MTFR1L: variants seen among roughly 807,000 people sequenced by gnomAD.
MTFR1L encodes mitochondrial fission regulator 1 like, also known as mitochondrial fission regulator 1-like.
In MTFR1L, 10 loss-of-function variants were observed where a neutral mutation model predicts 27.9. That is an observed-to-expected ratio of 0.36 (90% CI 0.22 to 0.61). The LOEUF (loss-of-function observed/expected upper bound fraction) is 0.61, where lower values mean the gene tolerates loss of function less well. Ranked by LOEUF, MTFR1L falls within the 20% of genes least tolerant of loss-of-function variation. The pLI, the probability that MTFR1L is intolerant of heterozygous loss-of-function variation, is 0.73. For missense variants in MTFR1L, 315 were observed against 363.7 expected (o/e 0.87, Z 1.09); for synonymous variants, 151 against 139.4 (o/e 1.08, Z -0.58).
rs761288487 is a variant in MTFR1L at position 25,823,716 on chromosome 1, C to G, written c.97C>G (p.Pro33Ala). Residue 33 changes from proline to alanine, a missense_variant, in exon 3 of 7, where the codon CCC (proline) becomes GCC (alanine). By Grantham distance (27) the Pro-to-Ala change is conservative. Transcript: ENST00000374303. ...SVVRRIGTNL[P>A]LKPCARASFE... ...AGTAAGAAGAATTGGGACCAACCTA[C>G]CCTTGAAGCCGTGTGCCCGGGCGTC... 2 of 1,614,088 alleles carry G rather than the reference C, an allele frequency of 1.2e-6. No individual in the cohort carries two copies. The highest frequency in any genetic ancestry group is 1.7e-6 in the Non-Finnish European group (2 of 1,180,004).
chr1:25,823,308 C>T, intron 2 of MTFR1L, 180 bp downstream of exon 2: 1 of 748,020 alleles, frequency 1.3e-6, no homozygotes, highest in Non-Finnish European at 2.4e-6. Flanking sequence ...GATCCTGGGG[C>T]ACTTCAGGAG....
rs781259558 is a variant in MTFR1L at position 25,832,115 on chromosome 1, G to A, written c.*89G>A. 5.0e-6 allele frequency: 8 copies of A among 1,604,228 alleles called. No individual in the cohort carries two copies. The East Asian group carries it at 1.6e-4, about 31-fold the overall frequency. ...ACCGCAGATGTTTCTGCCTCTTAAG[G>A]ATAGATCTTCTGCAACAGTCTTGCT... On this transcript the variant is annotated 3_prime_UTR_variant, in exon 7 of 7. Coordinates refer to ENST00000374303, the MANE Select transcript of MTFR1L (RefSeq NM_001099625.2).
Position 25,832,241 on chromosome 1 carries a change from T to A in MTFR1L, c.*215T>A. 7.4e-7 allele frequency: 1 copy of A among 1,345,432 alleles called. No individual in the cohort carries two copies. Among genetic ancestry groups the A allele is most frequent in the Non-Finnish European group, 1.0e-6 (1 of 976,840 alleles). The allele number at this position is 1,345,432 out of a possible 1,614,324, so 83.3% of individuals were successfully genotyped here. The stretch of plus-strand genomic sequence containing the variant: ...AGGCTTGTGATTTGACCTGAGACAT[T>A]TGTTTCAGGTAATCGTGTAGAATGA... On this transcript the variant is annotated 3_prime_UTR_variant, in exon 7 of 7. Transcript: ENST00000374303.
Position 25,829,710 on chromosome 1 carries a change from A to T in MTFR1L, c.653A>T (p.His218Leu). The T allele has an allele frequency of 6.2e-7, 1 of 1,614,138 alleles. No individual in the cohort carries two copies. Among genetic ancestry groups the T allele is most frequent in the Middle Eastern group, 1.6e-4 (1 of 6,062 alleles). The change falls in exon 6 of 7, where the codon CAC becomes CTC. Residue 218 changes from histidine (H) to leucine (L), a missense_variant. His to Leu is a moderately conservative substitution (Grantham distance 99). Transcript: ENST00000374303. ...SASPECCKPE[H>L]KAACSSSEED... Reference sequence around the variant, plus strand: ...AGCCCTGAATGTTGCAAACCAGAACACAAAGCTGCCTGCAGTTCGTCTGAA... The same window carrying T: ...AGCCCTGAATGTTGCAAACCAGAACTCAAAGCTGCCTGCAGTTCGTCTGAA...
intron 6 of MTFR1L, among the ~76,000 whole-genome samples, chr1:25,831,577 A>G (rs2048240921): frequency 6.6e-6 from 1 of 152,238 alleles, no homozygotes. Context: ...AGAAGGCAGA[A>G]GCTTAGCCAC....
At chr1:25,820,307 A>G in intron 1 of MTFR1L, 1 of 455,776 alleles carries the variant, frequency 2.2e-6, no homozygotes, top group South Asian at 1.5e-5. Context: ...CCCGCCGCGC[A>G]TTCTGAGACC....
intron 1 of MTFR1L, chr1:25,821,463 G>A (rs2048091413): frequency 6.6e-6 from 1 of 152,486 alleles, no homozygotes; most frequent in Non-Finnish European, 1.5e-5. Context: ...CATGACCACT[G>A]AGTGACCTTA....
At chr1:25,829,292 A>G (rs2048205941) in intron 5 of MTFR1L, among the ~76,000 whole-genome samples, 1 of 152,148 alleles carries the variant, frequency 6.6e-6, no homozygotes, top group South Asian at 2.1e-4. Context: ...TTCCTGGAAC[A>G]CTGGAAAAGC....
At chr1:25,824,503 T>C (rs1201422976) in intron 3 of MTFR1L, among the ~76,000 whole-genome samples, 2 of 152,084 alleles carry the variant, frequency 1.3e-5, no homozygotes, top group South Asian at 2.1e-4. Flanking sequence ...ACAGAGGAGA[T>C]AGAAATATGT....
rs767104316 is a variant in MTFR1L, at chr1:25,829,558, C to T, written c.501C>T (p.Val167=). ...PDFLSPGSSN[V]SSPLPCFGSS... ...TCTTATCTCCAGGAAGTTCAAATGT[C>T]TCTTCTCCCTTACCTTGTTTTGGAT... Residue 167 remains valine, a synonymous_variant, in exon 6 of 7, where the codon GTC becomes GTT. Transcript: ENST00000374303. 1 of 1,614,212 alleles carries T rather than the reference C, an allele frequency of 6.2e-7. No homozygotes were observed. Among genetic ancestry groups the T allele is most frequent in the Non-Finnish European group, 8.5e-7 (1 of 1,180,028 alleles).
intron 1 of MTFR1L, chr1:25,822,008 T>A (rs1480830878): frequency 6.6e-6 from 1 of 152,258 alleles, no homozygotes; most frequent in African/African-American, 2.4e-5. Flanking sequence ...AGCACACTGA[T>A]TGCATCTGCT....
chr1:25,823,787 C>T, intron 3 of MTFR1L, 39 bp downstream of exon 3: 8 of 1,607,194 alleles, frequency 5.0e-6, no homozygotes, highest in Non-Finnish European at 6.8e-6. Flanking sequence ...GAGGCTCAGA[C>T]AGTGCTGCTT....
rs1039757943 is a variant in MTFR1L at position 25,820,012 on chromosome 1, C to T, written c.-104C>T. On this transcript the variant is annotated 5_prime_UTR_variant, in exon 1 of 7. Transcript: ENST00000374303. ...GGAGGGGCCGTGAGGTGAGAGAGTC[C>T]GGGAGCCCGAGCTTGAGGTGAGAAA... 1 of 351,920 alleles carries T rather than the reference C, an allele frequency of 2.8e-6. No homozygotes were observed. 21.8% of individuals were successfully genotyped at this position (351,920 alleles called of 1,614,324 possible).
In MTFR1L at chr1:25,829,648, C is replaced by G. The variant is rs141750159; in HGVS notation, c.591C>G (p.Val197=). The change falls in exon 6 of 7, where the codon GTC becomes GTG. Residue 197 remains valine (V), a synonymous_variant. Coordinates refer to ENST00000374303, the MANE Select transcript of MTFR1L (RefSeq NM_001099625.2). ...SDITEETEVE[V]PELPSVPLLC... is the part of the protein sequence containing the mutation. ...TCACCGAGGAGACAGAGGTGGAGGT[C>G]CCTGAGCTTCCATCAGTCCCCCTGC... 1.2e-6 allele frequency: 2 copies of G among 1,614,184 alleles called. No individual in the cohort carries two copies. Among genetic ancestry groups the G allele is most frequent in the African/African-American group, 2.7e-5 (2 of 75,034 alleles).
rs756415974 is a variant in MTFR1L, at chr1:25,832,002, A to C, written c.855A>C (p.Glu285Asp). 6.2e-7 allele frequency: 1 copy of C among 1,614,220 alleles called. No individual in the cohort carries two copies. The highest frequency in any genetic ancestry group is 1.1e-5 in the South Asian group (1 of 91,080). ...GGAGGAAGTTTGCTCTAAAGGAAGA[A>C]GATATCAGTAGAAAAGGAAATTGAC... ...VLRRKFALKEEDISRKGN is the reference protein window; with the variant it reads ...VLRRKFALKEDDISRKGN Residue 285 changes from glutamate (E) to aspartate (D), a missense_variant, in exon 7 of 7, where the codon GAA becomes GAC. Physicochemically the swap from Glu to Asp is conservative, Grantham distance 45 (BLOSUM62 2). Coordinates refer to ENST00000374303, the MANE Select transcript of MTFR1L (RefSeq NM_001099625.2).
intron 1 of MTFR1L, 142 bp from the exon 2 acceptor site, chr1:25,822,877 G>A (rs555188081): frequency 4.7e-5 from 31 of 656,240 alleles, no homozygotes; most frequent in Non-Finnish European, 7.0e-5. Context: ...TAAGTGTTGG[G>A]TGAGGGCAGC....
rs2048264515 is a variant in MTFR1L at position 25,832,810 on chromosome 1, GC to G, written c.*786del. ...GCCCTTGACTGCTCCTTTGGGCTGG[GC>G]CAAGGTTTGTATGTACCACACCATG... On this transcript the variant is annotated 3_prime_UTR_variant, in exon 7 of 7. Coordinates refer to ENST00000374303, the MANE Select transcript of MTFR1L (RefSeq NM_001099625.2). 1.3e-5 allele frequency: 2 copies of G among 156,356 alleles called. No homozygotes were observed. Among genetic ancestry groups the G allele is most frequent in the African/African-American group, 4.8e-5 (2 of 41,534 alleles). The allele number at this position is 156,356 out of a possible 1,614,324, so 9.7% of individuals were successfully genotyped here. A position where few individuals can be genotyped will look rare whatever the true frequency, so the allele number is the denominator to read the frequency against.
chr1:25,830,195 T>C (rs1048700896), intron 6 of MTFR1L, among the ~76,000 whole-genome samples: 5 of 152,198 alleles, frequency 3.3e-5, no homozygotes, highest in African/African-American at 1.2e-4. Context: ...TTTTGTTATG[T>C]TTTCTTATCT....
rs144495601 is a variant in MTFR1L, at chr1:25,821,409, G to A, written c.-87+1380G>A. On this transcript the variant is annotated intron_variant, in intron 1 of 6. Coordinates refer to ENST00000374303, the MANE Select transcript of MTFR1L (RefSeq NM_001099625.2). The stretch of plus-strand genomic sequence containing the variant: ...GAGCCGAGAAGATGGAGCCCACGCA[G>A]GAGGTGGCAGGACCTGGACCAGGCT... 656 of 152,740 alleles carry A rather than the reference G, an allele frequency of 4.3e-3. 6 individuals are homozygous for A. In the Middle Eastern group the frequency reaches 0.044, roughly 10 times the overall value. 9.5% of individuals were successfully genotyped at this position (152,740 alleles called of 1,614,324 possible).
Sources: allele counts gnomAD v4.1 joint callset (sites outside exome capture counted in the v4.1 genomes callset), GRCh38; gene constraint gnomAD v4.1.1; transcripts MANE v1.5; gene names NCBI Gene and HGNC (gene_info 2026-07-23, HGNC 2026-07-21).